Variants in LEMD2 observed in about 807,000 individuals in gnomAD.
LEMD2 encodes the protein LEM domain-containing protein 2.
LEMD2 carries 34 observed loss-of-function variants against 58.8 expected under a neutral mutation model. The ratio of observed to expected loss-of-function variants is 0.58; its 90% CI spans 0.44 to 0.77. The LOEUF is 0.77. LEMD2 is among the 30% of genes least tolerant of loss of function. The probability of loss-of-function intolerance (pLI) is 0.00; values close to 1 mark genes in which losing one functional copy is unlikely to be tolerated. For missense variants in LEMD2, 629 were observed against 717.9 expected (o/e 0.88, Z 1.42); for synonymous variants, 298 against 308.9 (o/e 0.96, Z 0.37).
chr6:33,777,802 C>T (rs1280825814), intron 6 of LEMD2, among the ~76,000 whole-genome samples: 1 of 152,216 alleles, frequency 6.6e-6, no homozygotes. Flanking sequence ...TTCAGTGCAG[C>T]ACCCTGAGTC....
At chr6:33,787,386 T>C (rs1767702572) in intron 1 of LEMD2, among the ~76,000 whole-genome samples, 1 of 152,228 alleles carries the variant, frequency 6.6e-6, no homozygotes, top group Non-Finnish European at 1.5e-5. Context: ...ATTTGGGTGT[T>C]TGCACACGAG....
intron 3 of LEMD2, among the ~76,000 whole-genome samples, chr6:33,783,852 C>T (rs181323052): frequency 2.6e-5 from 4 of 152,280 alleles, no homozygotes; most frequent in Non-Finnish European, 4.4e-5. Context: ...GGACTTTGTC[C>T]GAGGTCCCAC....
In LEMD2 at chr6:33,784,341, G is replaced by A; in HGVS notation, c.853+11C>T. On this transcript the variant is annotated intron_variant, in intron 3 of 8. Coordinates refer to ENST00000293760, the MANE Select transcript of LEMD2 (RefSeq NM_181336.4). ...ACAAGAGGAATCTCAGGACTTACGT[G>A]ACTTACTCACCAGCTTGGATGGCCA... 6.2e-7 allele frequency: 1 copy of A among 1,608,942 alleles called. No individual in the cohort carries two copies. Among genetic ancestry groups the A allele is most frequent in the Non-Finnish European group, 8.5e-7 (1 of 1,175,418 alleles).
chr6:33,786,876 AG>A, intron 1 of LEMD2, 102 bp from the exon 2 acceptor site: 8 of 1,545,478 alleles, frequency 5.2e-6, no homozygotes, highest in Non-Finnish European at 7.0e-6. Context: ...AGCATTACCA[AG>A]CCAAGGGTGG....
In LEMD2 at chr6:33,788,975, C is replaced by T. The variant is rs1173149032; in HGVS notation, c.142G>A (p.Glu48Lys). Residue 48 changes from glutamate (E) to lysine (K), a missense_variant, in exon 1 of 9, where the codon GAG becomes AAG. Coordinates refer to ENST00000293760, the MANE Select transcript of LEMD2 (RefSeq NM_181336.4). ...GGCCGGGCCTCCTCCCGCAGCCGCT[C>T]CTCGTCGCGCAGCCGGGCCTCGCCC... Reference protein sequence around the residue: ...LRGEARLRDEERLREEARPRG... With the variant: ...LRGEARLRDEKRLREEARPRG... 5 of 1,540,294 alleles carry T rather than the reference C, an allele frequency of 3.2e-6. No individual in the cohort carries two copies. In the Admixed American group the frequency reaches 7.8e-5, roughly 24 times the overall value.
At chr6:33,782,755 T>C (rs1389353447) in intron 3 of LEMD2, among the ~76,000 whole-genome samples, 3 of 152,238 alleles carry the variant, frequency 2.0e-5, no homozygotes, top group Non-Finnish European at 4.4e-5. Context: ...AGGCAGGACC[T>C]GGAGCTGAGT....
At position 33,788,971 on chromosome 6, in the gene LEMD2, C is replaced by T; in HGVS notation, c.146G>A (p.Arg49Gln). 1 of 1,536,738 alleles carries T rather than the reference C, an allele frequency of 6.5e-7. No individual in the cohort carries two copies. The highest frequency in any genetic ancestry group is 8.7e-7 in the Non-Finnish European group (1 of 1,150,028). The change falls in exon 1 of 9, where the codon CGG becomes CAG. Residue 49 changes from arginine (R) to glutamine (Q), a missense_variant. By Grantham distance (43) the Arg-to-Gln change is conservative. This residue lies in a region of LEMD2 where 386 missense variants were observed against 381.1 expected (regional missense o/e 1.01). Coordinates refer to ENST00000293760, the MANE Select transcript of LEMD2 (RefSeq NM_181336.4). ...CCGCGGCCGGGCCTCCTCCCGCAGC[C>T]GCTCCTCGTCGCGCAGCCGGGCCTC... ...RGEARLRDEE[R>Q]LREEARPRGE... is the part of the protein sequence containing the mutation.
At chr6:33,773,561 AG>A (rs1186611106) in intron 8 of LEMD2, among the ~76,000 whole-genome samples, 5 of 144,346 alleles carry the variant, frequency 3.5e-5, no homozygotes, top group Non-Finnish European at 7.6e-5. Flanking sequence ...GCAGAAGGGG[AG>A]GACAAACGGA....
intron 8 of LEMD2, among the ~76,000 whole-genome samples, chr6:33,775,391 C>T (rs1767406146): frequency 6.6e-6 from 1 of 152,124 alleles, no homozygotes; most frequent in Admixed American, 6.5e-5. Flanking sequence ...AGTTATAGCT[C>T]ACTGTTGCCT....
At position 33,784,515 on chromosome 6, in the gene LEMD2, A is replaced by C. The variant is rs187027389; in HGVS notation, c.778-88T>G. The C allele has an allele frequency of 1.0e-3, 795 of 789,814 alleles. 8 individuals are homozygous for C. The East Asian group carries it at 0.02, about 20-fold the overall frequency. 48.9% of individuals were successfully genotyped at this position (789,814 alleles called of 1,614,324 possible). On this transcript the variant is annotated intron_variant, in intron 2 of 8. Coordinates refer to ENST00000293760, the MANE Select transcript of LEMD2 (RefSeq NM_181336.4). ...TCTTTACTTCTCCAGCCACACTGTC[A>C]AATACTAAACAGCAAGGAATATCTC...
chr6:33,784,206 G>A (rs1249615495), intron 3 of LEMD2, 146 bp downstream of exon 3: 1 of 709,492 alleles, frequency 1.4e-6, no homozygotes, highest in Non-Finnish European at 2.6e-6. Context: ...AGGCGAGAAG[G>A]TGAGACTCGG....
rs534416897 is a variant in LEMD2 at position 33,781,288 on chromosome 6, G to T, written c.854-135C>A. Reference sequence around the variant, plus strand: ...CCCAGCGGCTCCTGGCTTCTGTGGGGCATCTTCACTCTGCAGCAAGATCAA... The same window carrying T: ...CCCAGCGGCTCCTGGCTTCTGTGGGTCATCTTCACTCTGCAGCAAGATCAA... On this transcript the variant is annotated intron_variant, in intron 3 of 8. Coordinates refer to ENST00000293760, the MANE Select transcript of LEMD2 (RefSeq NM_181336.4). 4.1e-5 allele frequency: 26 copies of T among 629,622 alleles called. No homozygotes were observed. In the South Asian group the frequency reaches 4.4e-4, roughly 11 times the overall value. 39.0% of individuals were successfully genotyped at this position (629,622 alleles called of 1,614,324 possible). A position where few individuals can be genotyped will look rare whatever the true frequency, so the allele number is the denominator to read the frequency against.
intron 3 of LEMD2, among the ~76,000 whole-genome samples, chr6:33,783,820 A>G (rs1350586018): frequency 1.3e-5 from 2 of 152,202 alleles, no homozygotes; most frequent in African/African-American, 4.8e-5. Context: ...AGACAGGGAG[A>G]TGAAGACCCT....
intron 1 of LEMD2, chr6:33,786,990 G>C (rs547759797): frequency 1.9e-6 from 2 of 1,080,988 alleles, no homozygotes; most frequent in Admixed American, 3.5e-5. Flanking sequence ...CTGGGTCCTT[G>C]TCCCAGCTGA....
chr6:33,775,697 C>T (rs1767414259), intron 8 of LEMD2, among the ~76,000 whole-genome samples: 1 of 152,152 alleles, frequency 6.6e-6, no homozygotes, highest in African/African-American at 2.4e-5. Flanking sequence ...AGCCTGGTGG[C>T]GGGAGCACGG....
chr6:33,773,347 C>G (rs1037672551), intron 8 of LEMD2, among the ~76,000 whole-genome samples: 2 of 152,262 alleles, frequency 1.3e-5, no homozygotes, highest in South Asian at 4.2e-4. Context: ...CTTGCACCCC[C>G]CTGGACAGCC....
intron 8 of LEMD2, among the ~76,000 whole-genome samples, chr6:33,774,165 T>A (rs759668031): frequency 2.1e-5 from 3 of 145,878 alleles, no homozygotes; most frequent in Admixed American, 1.4e-4. Flanking sequence ...TGCTAGGCAC[T>A]GACTTTTTTT....
chr6:33,786,750 TCA>T lies in LEMD2; in HGVS notation c.759_760del (p.Cys253Ter). The T allele has an allele frequency of 6.2e-7, 1 of 1,613,728 alleles. No individual in the cohort carries two copies. Among genetic ancestry groups the T allele is most frequent in the South Asian group, 1.1e-5 (1 of 91,028 alleles). On this transcript the variant is annotated stop_gained and frameshift_variant, in exon 2 of 9. Coordinates refer to ENST00000293760, the MANE Select transcript of LEMD2 (RefSeq NM_181336.4). LOFTEE classifies it high-confidence loss of function. ...CAAACTCACCTCATCTGTTTTTCTC[TCA>T]CAGTCCACTGGCAATAACTTCACTG...
chr6:33,776,777 C>T, intron 8 of LEMD2, 177 bp downstream of exon 8: 1 of 628,506 alleles, frequency 1.6e-6, no homozygotes, highest in East Asian at 2.7e-5. Flanking sequence ...CTCATCCTGC[C>T]ATAAAGAGCC....
Sources: allele counts gnomAD v4.1 joint callset (sites outside exome capture counted in the v4.1 genomes callset), GRCh38; gene constraint gnomAD v4.1.1; regional missense constraint gnomAD v4.1.1; transcripts MANE v1.5; gene names NCBI Gene and HGNC (gene_info 2026-07-23, HGNC 2026-07-21).